The following MINAR2 variants were observed in gnomAD, a reference collection of about 807,000 sequenced individuals.
MINAR2 encodes the protein membrane integral NOTCH2 associated receptor 2.
In MINAR2, 21 loss-of-function variants were observed where a neutral mutation model predicts 16.1. That is an observed-to-expected ratio of 1.31 (90% CI 0.93 to 1.88). The LOEUF (loss-of-function observed/expected upper bound fraction) is 1.88, where lower values mean the gene tolerates loss of function less well. Among genes scored for constraint, MINAR2 ranks in the 40% most tolerant of loss-of-function variants. The probability of loss-of-function intolerance (pLI) is 0.00; values close to 1 mark genes in which losing one functional copy is unlikely to be tolerated. For synonymous variants in MINAR2, 86 were observed against 83.0 expected (o/e 1.04, Z -0.20); for missense variants, 259 against 229.8 (o/e 1.13, Z -0.82).
intron 2 of MINAR2, chr5:129,762,766 A>T (rs116172832): frequency 5.1e-6 from 1 of 196,590 alleles, no homozygotes; most frequent in African/African-American, 2.4e-5. Context: ...AAAATAAAGA[A>T]GACAAAGTGC....
intron 1 of MINAR2, among the ~76,000 whole-genome samples, chr5:129,748,758 G>A (rs1335765981): frequency 6.6e-6 from 1 of 152,132 alleles, no homozygotes; most frequent in Non-Finnish European, 1.5e-5. Flanking sequence ...GCATAAACAA[G>A]CCTCTAAAAC....
chr5:129,753,524 C>A (rs1238851587), intron 1 of MINAR2, among the ~76,000 whole-genome samples: 1 of 148,936 alleles, frequency 6.7e-6, no homozygotes, highest in African/African-American at 2.5e-5. Context: ...GAGGCCGAGG[C>A]GGGTGGATCA....
chr5:129,753,492 A>AT (rs1037628524), intron 1 of MINAR2, among the ~76,000 whole-genome samples: 6 of 150,014 alleles, frequency 4.0e-5, no homozygotes, highest in Middle Eastern at 3.6e-3. Flanking sequence ...AAAAAAAAAA[A>AT]AAAAAAGTCC....
At chr5:129,761,620 A>G (rs571511520) in intron 2 of MINAR2, among the ~76,000 whole-genome samples, 10 of 152,178 alleles carry the variant, frequency 6.6e-5, no homozygotes, top group Non-Finnish European at 1.3e-4. Context: ...GATGCTCTCC[A>G]CAGAAACAAT....
chr5:129,748,274 C>T lies in MINAR2; in HGVS notation c.84C>T (p.Ala28=), dbSNP rs1393093908. The T allele has an allele frequency of 1.3e-6, 2 of 1,535,274 alleles. No homozygotes were observed. Among genetic ancestry groups the T allele is most frequent in the South Asian group, 2.4e-5 (2 of 84,042 alleles). Residue 28 remains alanine, a synonymous_variant, in exon 1 of 3, where the codon GCC becomes GCT. Coordinates refer to ENST00000564719, the MANE Select transcript of MINAR2 (RefSeq NM_001257308.2). ...TAAAGTCTTTAACGAGGAGCTCAGC[C>T]CTCCTTCAGGCCAGCCTGGTGAGGT... ...LDVKSLTRSS[A]LLQASLVRFP...
chr5:129,761,520 T>C (rs1042012571), intron 2 of MINAR2, among the ~76,000 whole-genome samples: 1 of 152,178 alleles, frequency 6.6e-6, no homozygotes, highest in African/African-American at 2.4e-5. Flanking sequence ...AGATCCACTG[T>C]CCAGAATCTT....
chr5:129,758,818 A>T (rs1222220236), intron 1 of MINAR2, among the ~76,000 whole-genome samples: 1 of 152,010 alleles, frequency 6.6e-6, no homozygotes, highest in East Asian at 1.9e-4. Context: ...TTTTTTCTCA[A>T]TTCAGAAACA....
At position 129,765,329 on chromosome 5, in the gene MINAR2, A is replaced by G; in HGVS notation, c.*266A>G. The G allele has an allele frequency of 3.1e-6, 1 of 323,818 alleles. No individual in the cohort carries two copies. Among genetic ancestry groups the G allele is most frequent in the Admixed American group, 4.8e-5 (1 of 20,620 alleles). The allele number at this position is 323,818 out of a possible 1,614,324, so 20.1% of individuals were successfully genotyped here. On this transcript the variant is annotated 3_prime_UTR_variant, in exon 3 of 3. Transcript: ENST00000564719. ...ATTCTGAGGACCATAATCACAGAAT[A>G]GTCACTATATGCAACCCACATTAAA... is the stretch of plus-strand genomic sequence containing the variant.
At position 129,765,069 on chromosome 5, in the gene MINAR2, C is replaced by T. The variant is rs1758192728; in HGVS notation, c.*6C>T. 7.9e-7 allele frequency: 1 copy of T among 1,266,842 alleles called. No individual in the cohort carries two copies. Among genetic ancestry groups the T allele is most frequent in the Admixed American group, 3.8e-5 (1 of 26,030 alleles). The allele number at this position is 1,266,842 out of a possible 1,614,324, so 78.5% of individuals were successfully genotyped here. A position where few individuals can be genotyped will look rare whatever the true frequency, so the allele number is the denominator to read the frequency against. On this transcript the variant is annotated 3_prime_UTR_variant, in exon 3 of 3. Transcript: ENST00000564719. The stretch of plus-strand genomic sequence containing the variant: ...TCATTACTTTTTTCACCTGAGGAAA[C>T]TGCAACAATCAGAGCTACTTTAAAT...
In MINAR2 at chr5:129,765,216, T is replaced by C. The variant is rs941608968; in HGVS notation, c.*153T>C. ...TATTAAATGTAATTGTCCTGAAGAA[T>C]GTGAATGTCAGGCGTGGTATGCTGG... On this transcript the variant is annotated 3_prime_UTR_variant, in exon 3 of 3. Transcript: ENST00000564719. 3 of 448,002 alleles carry C rather than the reference T, an allele frequency of 6.7e-6. No individual in the cohort carries two copies. Among genetic ancestry groups the C allele is most frequent in the Non-Finnish European group, 1.1e-5 (3 of 271,724 alleles). The allele number at this position is 448,002 out of a possible 1,614,324, so 27.8% of individuals were successfully genotyped here.
rs1320823872 is a variant in MINAR2, at chr5:129,765,571, TTC to T, written c.*512_*513del. On this transcript the variant is annotated 3_prime_UTR_variant, in exon 3 of 3. Transcript: ENST00000564719. ...TGTGCTGCCAACTGAGTTAGATTCA[TTC>T]TCTGTTTTATTTTCCTGTATTTCTG... is the stretch of plus-strand genomic sequence containing the variant. The T allele has an allele frequency of 1.3e-5, 2 of 152,420 alleles. No homozygotes were observed. The highest frequency in any genetic ancestry group is 2.4e-5 in the African/African-American group (1 of 41,558). The allele number at this position is 152,420 out of a possible 1,614,324, so 9.4% of individuals were successfully genotyped here.
chr5:129,748,448 G>T, intron 1 of MINAR2, 93 bp downstream of exon 1: 2 of 1,318,498 alleles, frequency 1.5e-6, no homozygotes, highest in Middle Eastern at 2.7e-4. Flanking sequence ...AAGCCTATAG[G>T]AACAGAGTAC....
intron 1 of MINAR2, among the ~76,000 whole-genome samples, chr5:129,751,990 A>T (rs1431601709): frequency 1.3e-5 from 2 of 152,194 alleles, no homozygotes; most frequent in African/African-American, 4.8e-5. Context: ...ATCACTGGTC[A>T]TTAGAGAAAT....
chr5:129,749,404 T>C (rs1757958852), intron 1 of MINAR2, among the ~76,000 whole-genome samples: 1 of 152,210 alleles, frequency 6.6e-6, no homozygotes, highest in South Asian at 2.1e-4. Context: ...AATGATTATG[T>C]AAGTGTTTCC....
At chr5:129,760,789 A>T (rs1758125558) in intron 2 of MINAR2, among the ~76,000 whole-genome samples, 184 bp downstream of exon 2, 1 of 152,078 alleles carries the variant, frequency 6.6e-6, no homozygotes, top group South Asian at 2.1e-4. Flanking sequence ...ATTTGTTTTG[A>T]GTTTTACAGT....
In MINAR2 at chr5:129,765,009, TGTC is replaced by T. The variant is rs1758191922; in HGVS notation, c.522_524del (p.Val175del). On this transcript the variant is annotated inframe_deletion, in exon 3 of 3. Transcript: ENST00000564719. ...TCTGTCGTATGGGTCTGATTTTACTTGTCGTTATCTCCATCTTGGTTACCATAG... is the reference window on the plus strand; with the variant it reads ...TCTGTCGTATGGGTCTGATTTTACTTGTTATCTCCATCTTGGTTACCATAG... 1 of 1,351,176 alleles carries T rather than the reference TGTC, an allele frequency of 7.4e-7. No individual in the cohort carries two copies. Among genetic ancestry groups the T allele is most frequent in the Middle Eastern group, 1.9e-4 (1 of 5,242 alleles). 83.7% of individuals were successfully genotyped at this position (1,351,176 alleles called of 1,614,324 possible). A position where few individuals can be genotyped will look rare whatever the true frequency, so the allele number is the denominator to read the frequency against.
intron 1 of MINAR2, among the ~76,000 whole-genome samples, chr5:129,759,554 T>C (rs1758100561): frequency 6.6e-6 from 1 of 152,132 alleles, no homozygotes; most frequent in African/African-American, 2.4e-5. Flanking sequence ...CATTATATGA[T>C]TTTATTTATA....
rs781212843 is a variant in MINAR2 at position 129,748,288 on chromosome 5, G to A, written c.98G>A (p.Ser33Asn). Residue 33 changes from serine (S) to asparagine (N), a missense_variant, in exon 1 of 3, where the codon AGC becomes AAC. Coordinates refer to ENST00000564719, the MANE Select transcript of MINAR2 (RefSeq NM_001257308.2). ...LTRSSALLQA[S>N]LVRFPGGNYP... ...AGGAGCTCAGCCCTCCTTCAGGCCAGCCTGGTGAGGTTTCCGGGTGGAAAT... is the reference window on the plus strand; with the variant it reads ...AGGAGCTCAGCCCTCCTTCAGGCCAACCTGGTGAGGTTTCCGGGTGGAAAT... 2.6e-6 allele frequency: 4 copies of A among 1,535,146 alleles called. No individual in the cohort carries two copies. Among genetic ancestry groups the A allele is most frequent in the Middle Eastern group, 1.7e-4 (1 of 6,000 alleles).
intron 1 of MINAR2, among the ~76,000 whole-genome samples, chr5:129,750,993 G>A (rs1008788403): frequency 2.0e-5 from 3 of 152,124 alleles, no homozygotes; most frequent in African/African-American, 7.2e-5. Flanking sequence ...TTACCGAATG[G>A]CAAAGCACTT....
Sources: allele counts gnomAD v4.1 joint callset (sites outside exome capture counted in the v4.1 genomes callset), GRCh38; gene constraint gnomAD v4.1.1; transcripts MANE v1.5; gene names NCBI Gene and HGNC (gene_info 2026-07-23, HGNC 2026-07-21).